RPGRIP1L: variants seen among roughly 807,000 people sequenced by gnomAD.
The protein encoded by RPGRIP1L is RPGRIP1 like.
Under a neutral mutation model 160.4 loss-of-function variants are expected in RPGRIP1L, and 131 were observed. The observed-to-expected ratio is 0.82, with a 90% CI of 0.71 to 0.94. RPGRIP1L has a LOEUF of 0.94. Among genes scored for constraint, RPGRIP1L ranks in the 40% least tolerant of loss-of-function variants. RPGRIP1L has a pLI of 0.00. For missense variants in RPGRIP1L, 1,522 were observed against 1,535.8 expected (o/e 0.99, Z 0.15); for synonymous variants, 510 against 515.8 (o/e 0.99, Z 0.15).
At chr16:53,674,865 G>T in intron 7 of RPGRIP1L, 152 bp downstream of exon 7, 1 of 593,024 alleles carries the variant, frequency 1.7e-6, no homozygotes, top group Non-Finnish European at 3.0e-6. Context: ...AATATATTAA[G>T]GGAAATGATA....
Position 53,619,169 on chromosome 16 carries a change from G to C in RPGRIP1L, c.3472C>G (p.Leu1158Val). 1 of 1,613,848 alleles carries C rather than the reference G, an allele frequency of 6.2e-7. No individual in the cohort carries two copies. The stretch of plus-strand genomic sequence containing the variant: ...TCCATGGTTACTTGAGAATCATTAA[G>C]GCTTAGAGCTATGATCTCAATCCGA... ...KIRIEIIALS[L>V]NDSQVTMDDT... The change falls in exon 24 of 27, where the codon CTT (leucine) becomes GTT (valine). Residue 1158 changes from leucine to valine, a missense_variant. Coordinates refer to ENST00000647211, the MANE Select transcript of RPGRIP1L (RefSeq NM_015272.5).
chr16:53,693,226 C>T (rs1269278936), intron 3 of RPGRIP1L: 1 of 152,178 alleles, frequency 6.6e-6, no homozygotes, highest in Non-Finnish European at 1.5e-5. Flanking sequence ...AAATTGGTCG[C>T]ACATCTTCAA....
At chr16:53,604,146 G>A (rs1250695004) in intron 26 of RPGRIP1L, among the ~76,000 whole-genome samples, 1 of 152,284 alleles carries the variant, frequency 6.6e-6, no homozygotes, top group Non-Finnish European at 1.5e-5. Flanking sequence ...CCAAAGTTGT[G>A]ACCAACTGCC....
intron 19 of RPGRIP1L, among the ~76,000 whole-genome samples, chr16:53,640,558 G>T (rs1189419026): frequency 3.3e-5 from 5 of 152,150 alleles, no homozygotes; most frequent in African/African-American, 4.8e-5. Context: ...AGCTAGGAAG[G>T]CATGGTGTCC....
intron 24 of RPGRIP1L, among the ~76,000 whole-genome samples, chr16:53,615,467 TA>T (rs1328167341): frequency 0.1 from 7,674 of 74,582 alleles, 294 homozygotes; most frequent in East Asian, 0.13. Flanking sequence ...TATATATATA[TA>T]TATATTTTTT....
At chr16:53,634,356 T>C (rs1379922817) in intron 22 of RPGRIP1L, among the ~76,000 whole-genome samples, 4 of 152,214 alleles carry the variant, frequency 2.6e-5, no homozygotes, top group African/African-American at 9.6e-5. Flanking sequence ...TTAGCCATTA[T>C]GATTTCTTGA....
intron 3 of RPGRIP1L, 113 bp downstream of exon 3, chr16:53,696,038 C>T: frequency 1.9e-6 from 2 of 1,040,290 alleles, no homozygotes; most frequent in Non-Finnish European, 2.9e-6. Context: ...TATTTACATC[C>T]TGCCTTGTTC....
At chr16:53,670,641 T>C (rs1046835484) in intron 9 of RPGRIP1L, among the ~76,000 whole-genome samples, 1 of 152,168 alleles carries the variant, frequency 6.6e-6, no homozygotes, top group Admixed American at 6.5e-5. Context: ...AAAATGTATC[T>C]TGAGATAAAG....
intron 16 of RPGRIP1L, among the ~76,000 whole-genome samples, chr16:53,646,273 G>A (rs936766507): frequency 1.3e-5 from 2 of 152,142 alleles, no homozygotes; most frequent in Non-Finnish European, 2.9e-5. Flanking sequence ...CAAGAAAAAT[G>A]TTAATCTGAT....
At chr16:53,631,480 GT>G (rs1965516750) in intron 22 of RPGRIP1L, among the ~76,000 whole-genome samples, 1 of 152,200 alleles carries the variant, frequency 6.6e-6, no homozygotes, top group South Asian at 2.1e-4. Flanking sequence ...AATACATTTT[GT>G]TGTGAAAAAT....
chr16:53,657,573 A>G lies in RPGRIP1L; in HGVS notation c.1461T>C (p.Ile487=). Residue 487 remains isoleucine, a synonymous_variant, in exon 13 of 27, where the codon ATT becomes ATC. Transcript: ENST00000647211. ...TCATAGAGCGTTCTAGATCTTTATT[A>G]ATTTCACTATCTACTTTCACTAAAA... ...LSFLVKVDSE[I]NKDLERSMRE... 1 of 1,602,220 alleles carries G rather than the reference A, an allele frequency of 6.2e-7. No individual in the cohort carries two copies. The highest frequency in any genetic ancestry group is 8.5e-7 in the Non-Finnish European group (1 of 1,170,762).
At chr16:53,695,067 C>G in intron 3 of RPGRIP1L, 1 of 427,442 alleles carries the variant, frequency 2.3e-6, no homozygotes, top group Admixed American at 3.9e-5. Context: ...CATTAAACTA[C>G]ATGGCTCATT....
intron 22 of RPGRIP1L, among the ~76,000 whole-genome samples, chr16:53,623,188 T>C (rs1964853324): frequency 6.6e-6 from 1 of 152,166 alleles, no homozygotes; most frequent in African/African-American, 2.4e-5. Context: ...AATAGCTTCC[T>C]AGTTATCAGA....
intron 6 of RPGRIP1L, among the ~76,000 whole-genome samples, chr16:53,685,136 A>T (rs1252229295): frequency 1.3e-5 from 2 of 152,226 alleles, no homozygotes; most frequent in East Asian, 3.9e-4. Flanking sequence ...ACTGATCATT[A>T]GAGAAATGCA....
chr16:53,612,788 T>A (rs1598222674), intron 24 of RPGRIP1L, among the ~76,000 whole-genome samples: 1 of 152,342 alleles, frequency 6.6e-6, no homozygotes, highest in East Asian at 1.9e-4. Flanking sequence ...AATATTTAAG[T>A]ATTCAGTTTA....
chr16:53,613,002 C>T (rs1332640452), intron 24 of RPGRIP1L, among the ~76,000 whole-genome samples: 1 of 152,154 alleles, frequency 6.6e-6, no homozygotes, highest in Non-Finnish European at 1.5e-5. Context: ...TGGAATCATA[C>T]AGTATTTGTC....
Position 53,680,510 on chromosome 16 carries a change from C to T in RPGRIP1L, c.777-5388G>A, listed in dbSNP as rs573024741. Among the ~76,000 whole-genome samples, 336 of 152,048 alleles carry T rather than the reference C, an allele frequency of 2.2e-3. 2 individuals carry two copies. Among genetic ancestry groups the T allele is most frequent in the African/African-American group, 7.8e-3 (322 of 41,472 alleles). On this transcript the variant is annotated intron_variant, in intron 6 of 26. Coordinates refer to ENST00000647211, the MANE Select transcript of RPGRIP1L (RefSeq NM_015272.5). ...AAGACATGATAACTAAATGCAACAA[C>T]ACGTGACCCTCGACTGGATCCTAGA...
rs1469581898 is a variant in RPGRIP1L at position 53,602,165 on chromosome 16, C to T, written c.3859G>A (p.Glu1287Lys). Reference sequence around the variant, plus strand: ...GTTACCCTGAGCTTGCCAATACCTTCACCATCTGCTCGTGCATCAAAAACT... The same window carrying T: ...GTTACCCTGAGCTTGCCAATACCTTTACCATCTGCTCGTGCATCAAAAACT... ...IDVFDARADG[E>K]GIGKLRVTVE... The change falls in exon 27 of 27, where the codon GAA (glutamate) becomes AAA (lysine). Residue 1287 changes from glutamate (E) to lysine (K), a missense_variant. Glu to Lys is a moderately conservative substitution (Grantham distance 56). Transcript: ENST00000647211. 1.2e-6 allele frequency: 2 copies of T among 1,613,438 alleles called. No homozygotes were observed. The highest frequency in any genetic ancestry group is 2.2e-5 in the East Asian group (1 of 44,876).
At position 53,626,393 on chromosome 16, in the gene RPGRIP1L, C is replaced by T. The variant is rs117845498; in HGVS notation, c.3295-4037G>A. ...TTAGACTTTTCCTGTTTTGTTTCCC[C>T]TCTACGTGTATGAATTTTTGTTACC... On this transcript the variant is annotated intron_variant, in intron 22 of 26. Coordinates refer to ENST00000647211, the MANE Select transcript of RPGRIP1L (RefSeq NM_015272.5). Among the ~76,000 whole-genome samples the T allele has an allele frequency of 8.8e-3, 1,335 of 152,278 alleles. 22 individuals are homozygous for T. The highest frequency in any genetic ancestry group is 0.011 in the Non-Finnish European group (731 of 68,024).
Sources: allele counts gnomAD v4.1 joint callset (sites outside exome capture counted in the v4.1 genomes callset), GRCh38; gene constraint gnomAD v4.1.1; transcripts MANE v1.5; gene names NCBI Gene and HGNC (gene_info 2026-07-23, HGNC 2026-07-21).